The following KCNAB1 variants were observed in gnomAD, a reference collection of about 807,000 sequenced individuals.
KCNAB1 encodes the protein voltage-gated potassium channel subunit beta-1.
KCNAB1 carries 35 observed loss-of-function variants against 64.6 expected under a neutral mutation model. The observed-to-expected ratio is 0.54, with a 90% confidence interval of 0.41 to 0.72. KCNAB1 has a LOEUF of 0.72. Among genes scored for constraint, KCNAB1 ranks in the 30% least tolerant of loss-of-function variants. The probability of loss-of-function intolerance (pLI) is 0.00; values close to 1 mark genes in which losing one functional copy is unlikely to be tolerated. For missense variants in KCNAB1, 401 were observed against 512.9 expected (o/e 0.78, Z 2.11); for synonymous variants, 177 against 183.8 (o/e 0.96, Z 0.30).
At chr3:156,171,187 G>GCACA (rs147202221) in intron 1 of KCNAB1, among the ~76,000 whole-genome samples, 34,618 of 142,494 alleles carry the variant, frequency 0.24, 4,412 homozygotes, top group East Asian at 0.33. Flanking sequence ...GAAACTTCAC[G>GCACA]CACACATACA....
chr3:156,515,278 G>C (rs545675933), intron 10 of KCNAB1, 58 bp downstream of exon 10: 16 of 1,500,044 alleles, frequency 1.1e-5, no homozygotes, highest in Non-Finnish European at 1.4e-5. Context: ...TCACTGATTC[G>C]GGGAAAAAAT....
At chr3:156,256,242 A>T (rs1046901473) in intron 1 of KCNAB1, among the ~76,000 whole-genome samples, 2 of 152,252 alleles carry the variant, frequency 1.3e-5, no homozygotes, top group African/African-American at 4.8e-5. Context: ...CAATGCTCCC[A>T]GAAATCTGGC....
chr3:156,232,366 T>A (rs1716582419), intron 1 of KCNAB1, among the ~76,000 whole-genome samples: 1 of 152,096 alleles, frequency 6.6e-6, no homozygotes, highest in Admixed American at 6.6e-5. Flanking sequence ...AAATACCAGA[T>A]ACTTACTTAC....
intron 1 of KCNAB1, among the ~76,000 whole-genome samples, chr3:156,417,165 G>C (rs1037615897): frequency 2.6e-5 from 4 of 152,086 alleles, no homozygotes; most frequent in Admixed American, 2.6e-4. Flanking sequence ...CAGCTGGCTG[G>C]CAAATGAACA....
chr3:156,144,753 A>G (rs1714941218), intron 1 of KCNAB1, among the ~76,000 whole-genome samples: 1 of 152,172 alleles, frequency 6.6e-6, no homozygotes, highest in Admixed American at 6.5e-5. Context: ...CACTTTTAAA[A>G]AAGTCTGCCT....
chr3:156,367,068 A>G (rs1450110), intron 1 of KCNAB1, among the ~76,000 whole-genome samples: 148,623 of 152,252 alleles, frequency 0.98, 72,573 homozygotes, highest in East Asian at 1. Flanking sequence ...GAATTTGAAT[A>G]GAAAATTTCA....
chr3:156,338,149 T>C (rs1174101877), intron 1 of KCNAB1, among the ~76,000 whole-genome samples: 1 of 152,140 alleles, frequency 6.6e-6, no homozygotes, highest in East Asian at 1.9e-4. Context: ...ACAAATCTGG[T>C]TGATCAAGTT....
chr3:156,160,084 A>G (rs920991902), intron 1 of KCNAB1, among the ~76,000 whole-genome samples: 3 of 152,258 alleles, frequency 2.0e-5, no homozygotes, highest in African/African-American at 7.2e-5. Context: ...TCTTAGAGGC[A>G]GAAAATCATT....
chr3:156,303,024 C>A (rs1204234067), intron 1 of KCNAB1, among the ~76,000 whole-genome samples: 1 of 152,098 alleles, frequency 6.6e-6, no homozygotes, highest in Non-Finnish European at 1.5e-5. Flanking sequence ...TCACGCTGTC[C>A]CTGCTTTGTT....
chr3:156,373,274 C>T (rs1321192950), intron 1 of KCNAB1, among the ~76,000 whole-genome samples: 1 of 152,142 alleles, frequency 6.6e-6, no homozygotes, highest in Non-Finnish European at 1.5e-5. Context: ...ACAGCCGGGC[C>T]AGGGAAAAAC....
In KCNAB1 at chr3:156,336,999, G is replaced by A. The variant is rs755552284; in HGVS notation, c.276-84617G>A. ...GCTATTGTAGTGTGAAGAATTGGTC[G>A]GCAAGTAAAAATCAGAGTTTTATAA... On this transcript the variant is annotated intron_variant, in intron 1 of 13. Transcript: ENST00000490337. 2.6e-5 allele frequency among the ~76,000 whole-genome samples: 4 copies of A among 152,136 alleles called. No individual in the cohort carries two copies. The East Asian group carries it at 5.8e-4, about 22-fold the overall frequency.
chr3:156,387,024 T>C (rs915057676), intron 1 of KCNAB1, among the ~76,000 whole-genome samples: 3 of 148,566 alleles, frequency 2.0e-5, no homozygotes, highest in Non-Finnish European at 4.5e-5. Flanking sequence ...CTTTTTTTTT[T>C]TTTTTTTTTT....
intron 12 of KCNAB1, among the ~76,000 whole-genome samples, chr3:156,528,574 A>C (rs79988269): frequency 0.024 from 3,633 of 152,302 alleles, 146 homozygotes; most frequent in African/African-American, 0.084. Context: ...AATTCAGGGA[A>C]GTACTTTAGG....
intron 1 of KCNAB1, among the ~76,000 whole-genome samples, chr3:156,297,106 A>G (rs1720836863): frequency 6.6e-6 from 1 of 152,192 alleles, no homozygotes. Flanking sequence ...TTGTTCCATC[A>G]TCACAGGGCT....
rs6768751 is a variant in KCNAB1, at chr3:156,207,785, A to G, written c.275+86899A>G. Among the ~76,000 whole-genome samples, 422 of 152,336 alleles carry G rather than the reference A, an allele frequency of 2.8e-3. 3 individuals are homozygous for G. Among genetic ancestry groups the G allele is most frequent in the African/African-American group, 9.4e-3 (390 of 41,580 alleles). ...TTGCACAACCTCAGGGGTGTCATTC[A>G]CAGGATAATTCAGGCTAACTTTAGG... is the stretch of plus-strand genomic sequence containing the variant. On this transcript the variant is annotated intron_variant, in intron 1 of 13. Transcript: ENST00000490337.
chr3:156,411,952 C>A (rs888021364), intron 1 of KCNAB1, among the ~76,000 whole-genome samples: 1 of 152,060 alleles, frequency 6.6e-6, no homozygotes, highest in African/African-American at 2.4e-5. Flanking sequence ...ATATTTAGTC[C>A]TTTGATCAAA....
At chr3:156,379,471 G>A (rs1298238399) in intron 1 of KCNAB1, among the ~76,000 whole-genome samples, 1 of 152,168 alleles carries the variant, frequency 6.6e-6, no homozygotes, top group East Asian at 1.9e-4. Context: ...GCTTTCTTGG[G>A]AAGGTGACAC....
intron 1 of KCNAB1, among the ~76,000 whole-genome samples, chr3:156,186,857 T>C (rs1245265310): frequency 6.6e-6 from 1 of 151,814 alleles, no homozygotes; most frequent in Non-Finnish European, 1.5e-5. Context: ...TCTTTTTTTT[T>C]TTTTTCTTTC....
At chr3:156,201,051 C>A (rs1052465323) in intron 1 of KCNAB1, among the ~76,000 whole-genome samples, 2 of 152,176 alleles carry the variant, frequency 1.3e-5, no homozygotes, top group Admixed American at 1.3e-4. Context: ...CTCACGGCAT[C>A]CCTTGTCTGG....
Sources: gnomAD v4.1 joint callset for allele counts (sites outside exome capture counted in the v4.1 genomes callset) on GRCh38, gnomAD v4.1.1 for gene constraint, MANE v1.5 for transcripts, NCBI Gene and HGNC (gene_info 2026-07-23, HGNC 2026-07-21) for gene names.